The following ZFPM2 variants were observed in gnomAD, a reference collection of about 807,000 sequenced individuals.
The protein encoded by ZFPM2 is zinc finger protein ZFPM2.
Under a neutral mutation model 98.6 loss-of-function variants are expected in ZFPM2, and 20 were observed. The ratio of observed to expected loss-of-function variants is 0.20; its 90% CI spans 0.14 to 0.29. ZFPM2 has a LOEUF of 0.29. ZFPM2 is among the 10% of genes least tolerant of loss of function. The probability of loss-of-function intolerance (pLI) is 1.00; values close to 1 mark genes in which losing one functional copy is unlikely to be tolerated. For missense variants in ZFPM2, 1,310 were observed against 1,388.6 expected (o/e 0.94, Z 0.90); for synonymous variants, 518 against 502.7 (o/e 1.03, Z -0.41).
intron 3 of ZFPM2, among the ~76,000 whole-genome samples, chr8:105,508,497 T>G (rs1469318353): frequency 6.6e-6 from 1 of 152,164 alleles, no homozygotes; most frequent in African/African-American, 2.4e-5. Context: ...ATTAATACTT[T>G]AATAAGAGAC....
chr8:105,741,366 T>C (rs1243444355), intron 5 of ZFPM2, among the ~76,000 whole-genome samples: 1 of 152,126 alleles, frequency 6.6e-6, no homozygotes, highest in Non-Finnish European at 1.5e-5. Flanking sequence ...TTGCTTTTAA[T>C]GCAGCAGATA....
intron 5 of ZFPM2, 40 bp from the exon 6 acceptor site, chr8:105,788,678 C>G: frequency 6.3e-7 from 1 of 1,593,044 alleles, no homozygotes; most frequent in Non-Finnish European, 8.6e-7. Flanking sequence ...ACTCAAGCAT[C>G]CTATGTCAAT....
intron 5 of ZFPM2, among the ~76,000 whole-genome samples, chr8:105,678,200 G>C (rs1810513216): frequency 6.6e-6 from 1 of 152,110 alleles, no homozygotes; most frequent in Non-Finnish European, 1.5e-5. Context: ...TAGAACATTA[G>C]GCTTCTGTTG....
intron 5 of ZFPM2, among the ~76,000 whole-genome samples, chr8:105,730,631 C>A (rs1811907915): frequency 6.6e-6 from 1 of 151,646 alleles, no homozygotes; most frequent in South Asian, 2.1e-4. Flanking sequence ...TCTCTTAATG[C>A]CTCTTCTGGA....
intron 3 of ZFPM2, among the ~76,000 whole-genome samples, chr8:105,448,974 G>A (rs1350062825): frequency 1.3e-5 from 2 of 151,954 alleles, no homozygotes; most frequent in South Asian, 2.1e-4. Context: ...TTCCATGACC[G>A]AAGTCTGTTT....
chr8:105,337,516 A>G (rs1359851354), intron 1 of ZFPM2, among the ~76,000 whole-genome samples: 1 of 151,750 alleles, frequency 6.6e-6, no homozygotes, highest in Non-Finnish European at 1.5e-5. Flanking sequence ...ACCCTTGCCA[A>G]TATTACAGAA....
intron 5 of ZFPM2, among the ~76,000 whole-genome samples, chr8:105,711,814 T>A (rs561981385): frequency 6.6e-4 from 100 of 152,186 alleles, no homozygotes; most frequent in Non-Finnish European, 1.8e-4. Flanking sequence ...ACCTAAGGCC[T>A]CATCAGTCTT....
intron 3 of ZFPM2, among the ~76,000 whole-genome samples, chr8:105,472,615 G>C (rs1176506660): frequency 5.9e-5 from 9 of 152,048 alleles, no homozygotes; most frequent in African/African-American, 1.9e-4. Flanking sequence ...CCATTCTCCT[G>C]CCTCAGCCTC....
chr8:105,720,020 C>T (rs1811619952), intron 5 of ZFPM2, among the ~76,000 whole-genome samples: 1 of 151,960 alleles, frequency 6.6e-6, no homozygotes, highest in South Asian at 2.1e-4. Context: ...CCACAGCCAA[C>T]CTTAACTGGC....
intron 5 of ZFPM2, among the ~76,000 whole-genome samples, chr8:105,780,858 C>T (rs1351118895): frequency 6.6e-6 from 1 of 152,184 alleles, no homozygotes; most frequent in Non-Finnish European, 1.5e-5. Flanking sequence ...CTAGCCTGGG[C>T]AACAAGAGCA....
intron 1 of ZFPM2, among the ~76,000 whole-genome samples, chr8:105,413,585 T>A (rs1458015277): frequency 6.6e-6 from 1 of 150,908 alleles, no homozygotes; most frequent in East Asian, 1.9e-4. Context: ...GATTTGGAGG[T>A]TCCTTTTGTT....
chr8:105,646,067 AAG>A (rs1817036544), intron 5 of ZFPM2, among the ~76,000 whole-genome samples: 2 of 150,530 alleles, frequency 1.3e-5, no homozygotes, highest in African/African-American at 4.9e-5. Flanking sequence ...AAAAAAAAAA[AAG>A]AAAGAAAGGA....
intron 4 of ZFPM2, among the ~76,000 whole-genome samples, chr8:105,603,749 T>TAAA (rs1816141337): frequency 6.6e-6 from 1 of 152,042 alleles, no homozygotes; most frequent in Admixed American, 6.6e-5. Context: ...TCATCAGTTT[T>TAAA]TTAAGAAAAT....
At chr8:105,532,546 T>A (rs1814319292) in intron 3 of ZFPM2, among the ~76,000 whole-genome samples, 1 of 152,206 alleles carries the variant, frequency 6.6e-6, no homozygotes, top group East Asian at 1.9e-4. Context: ...TTTAAAAAGC[T>A]AATCAAATGT....
At chr8:105,786,075 C>T (rs1813408360) in intron 5 of ZFPM2, among the ~76,000 whole-genome samples, 1 of 146,628 alleles carries the variant, frequency 6.8e-6, no homozygotes, top group African/African-American at 2.5e-5. Context: ...AAAAAATTAG[C>T]CAAGAGTGAT....
intron 5 of ZFPM2, among the ~76,000 whole-genome samples, chr8:105,731,545 A>G (rs921455912): frequency 9.2e-5 from 14 of 151,730 alleles, no homozygotes; most frequent in African/African-American, 3.4e-4. Flanking sequence ...TGTATTCCAC[A>G]TATAATAATG....
chr8:105,791,767 C>A (rs951012414), intron 6 of ZFPM2, among the ~76,000 whole-genome samples: 1 of 152,072 alleles, frequency 6.6e-6, no homozygotes, highest in Non-Finnish European at 1.5e-5. Flanking sequence ...ACAATTTCAG[C>A]TCCTGTTATT....
intron 3 of ZFPM2, among the ~76,000 whole-genome samples, chr8:105,557,091 C>T (rs1815012877): frequency 6.6e-6 from 1 of 152,106 alleles, no homozygotes; most frequent in African/African-American, 2.4e-5. Flanking sequence ...TTCAAATTCT[C>T]AATCAACCCC....
chr8:105,411,324 C>T (rs1188801849), intron 1 of ZFPM2, among the ~76,000 whole-genome samples: 1 of 151,768 alleles, frequency 6.6e-6, no homozygotes, highest in Non-Finnish European at 1.5e-5. Context: ...CCTGCCCACC[C>T]TGCCACCAGT....
Sources: allele counts gnomAD v4.1 joint callset (sites outside exome capture counted in the v4.1 genomes callset), GRCh38; gene constraint gnomAD v4.1.1; transcripts MANE v1.5; gene names NCBI Gene and HGNC (gene_info 2026-07-23, HGNC 2026-07-21).